The following TEAD1 variants were observed in gnomAD, a reference collection of about 807,000 sequenced individuals.
TEAD1 encodes TEA domain transcription factor 1.
TEAD1 carries 9 observed loss-of-function variants against 54.9 expected under a neutral mutation model. The observed-to-expected ratio is 0.16, with a 90% CI of 0.10 to 0.29. TEAD1 has a LOEUF of 0.29. Ranked by LOEUF, TEAD1 falls within the 10% of genes least tolerant of loss-of-function variation. The pLI is 1.00. For missense variants in TEAD1, 387 were observed against 535.9 expected (o/e 0.72, Z 2.74); for synonymous variants, 200 against 187.8 (o/e 1.07, Z -0.53).
At chr11:12,700,915 C>T (rs1943686767) in intron 2 of TEAD1, among the ~76,000 whole-genome samples, 1 of 152,126 alleles carries the variant, frequency 6.6e-6, no homozygotes, top group Non-Finnish European at 1.5e-5. Flanking sequence ...TTTTGTGGTC[C>T]TCCCCTTAGC....
At chr11:12,689,019 T>G (rs1379458505) in intron 2 of TEAD1, among the ~76,000 whole-genome samples, 3 of 152,138 alleles carry the variant, frequency 2.0e-5, no homozygotes, top group African/African-American at 7.2e-5. Context: ...TTCTGTTTTT[T>G]TTTTTGTTGT....
At chr11:12,764,514 A>C (rs911307211) in intron 3 of TEAD1, 80 bp downstream of exon 3, 1 of 1,520,082 alleles carries the variant, frequency 6.6e-7, no homozygotes. Flanking sequence ...GTCTTCCAGC[A>C]AGAGCTGTTC....
intron 2 of TEAD1, among the ~76,000 whole-genome samples, chr11:12,683,758 T>C (rs1226255129): frequency 6.6e-6 from 1 of 152,094 alleles, no homozygotes; most frequent in Admixed American, 6.6e-5. Context: ...GAGGAATTAA[T>C]TGAAAGGAGT....
intron 3 of TEAD1, among the ~76,000 whole-genome samples, chr11:12,831,440 T>C (rs972456745): frequency 7.9e-5 from 12 of 152,214 alleles, no homozygotes; most frequent in Non-Finnish European, 7.3e-5. Flanking sequence ...CTCTGCCTTA[T>C]TGTCTTTGTG....
intron 2 of TEAD1, among the ~76,000 whole-genome samples, chr11:12,749,302 A>G (rs1198024798): frequency 1.3e-5 from 2 of 152,170 alleles, no homozygotes; most frequent in Non-Finnish European, 2.9e-5. Flanking sequence ...AATGGATTAC[A>G]TTTTAATTAA....
intron 2 of TEAD1, among the ~76,000 whole-genome samples, chr11:12,686,431 T>A (rs1346675502): frequency 6.6e-6 from 1 of 152,220 alleles, no homozygotes. Context: ...AACCTTGTTC[T>A]TTTCTGTGGA....
chr11:12,922,905 CAG>C (rs1368654652), intron 10 of TEAD1: 1 of 120,306 alleles, frequency 8.3e-6, no homozygotes, highest in Non-Finnish European at 1.6e-5. Context: ...GCCTAGACGA[CAG>C]GGCCAGACCC....
In TEAD1 at chr11:12,879,915, C is replaced by T. The variant is rs1947931164; in HGVS notation, c.465+73C>T. 6 of 1,603,192 alleles carry T rather than the reference C, an allele frequency of 3.7e-6. No individual in the cohort carries two copies. In the Admixed American group the frequency reaches 8.3e-5, roughly 22 times the overall value. ...TGGCATGTGCCAGTGTTAAGCCTCC[C>T]ACCTCCATTTCTTGTCATGTGGGTC... On this transcript the variant is annotated intron_variant, in intron 6 of 12. Coordinates refer to ENST00000527636, the MANE Select transcript of TEAD1 (RefSeq NM_021961.6).
At chr11:12,727,890 A>G (rs1389819539) in intron 2 of TEAD1, among the ~76,000 whole-genome samples, 2 of 151,728 alleles carry the variant, frequency 1.3e-5, no homozygotes, top group African/African-American at 4.8e-5. Context: ...AGGAATATCC[A>G]TATCTTTTTT....
At chr11:12,878,975 G>A (rs2134093408) in intron 5 of TEAD1, 1 of 1,165,810 alleles carries the variant, frequency 8.6e-7, no homozygotes, top group South Asian at 1.4e-5. Flanking sequence ...GCTTTGTGTT[G>A]TTAGCCTTGG....
At chr11:12,741,415 T>A (rs186585073) in intron 2 of TEAD1, among the ~76,000 whole-genome samples, 282 of 152,356 alleles carry the variant, frequency 1.9e-3, no homozygotes, top group African/African-American at 6.4e-3. Context: ...TAAAGGTAGC[T>A]AATTGGATCT....
rs191642737 is a variant in TEAD1, at chr11:12,918,737, C to T, written c.874-6175C>T. The stretch of plus-strand genomic sequence containing the variant: ...CTTCTTAATAGGTCCATTTGGAAGC[C>T]TCGCAAATGTCCCTAAGTAATAGGG... On this transcript the variant is annotated intron_variant, in intron 10 of 12. Coordinates refer to ENST00000527636, the MANE Select transcript of TEAD1 (RefSeq NM_021961.6). 1.7e-3 allele frequency among the ~76,000 whole-genome samples: 255 copies of T among 152,268 alleles called. 2 individuals are homozygous for T. Among genetic ancestry groups the T allele is most frequent in the South Asian group, 0.011 (53 of 4,826 alleles).
intron 2 of TEAD1, among the ~76,000 whole-genome samples, chr11:12,710,479 C>T (rs1429608197): frequency 1.3e-5 from 2 of 152,088 alleles, no homozygotes; most frequent in Non-Finnish European, 2.9e-5. Flanking sequence ...TATAGTTATA[C>T]CAGTAAATGA....
chr11:12,866,969 G>A (rs1263930790), intron 5 of TEAD1, among the ~76,000 whole-genome samples: 2 of 152,146 alleles, frequency 1.3e-5, no homozygotes, highest in Non-Finnish European at 2.9e-5. Flanking sequence ...GATGAGCTTC[G>A]TGGAGAGTAT....
Position 12,744,043 on chromosome 11 carries a change from G to A in TEAD1, c.-54-20136G>A, listed in dbSNP as rs1477053841. Among the ~76,000 whole-genome samples the A allele has an allele frequency of 2.0e-5, 3 of 152,220 alleles. No homozygotes were observed. The East Asian group carries it at 5.8e-4, about 29-fold the overall frequency. On this transcript the variant is annotated intron_variant, in intron 2 of 12. Transcript: ENST00000527636. ...TGTCTGAAACTGGCAGGTGTTCAGAGGTGTTGATAGATTCTTCACTTGTCA... is the reference window on the plus strand; with the variant it reads ...TGTCTGAAACTGGCAGGTGTTCAGAAGTGTTGATAGATTCTTCACTTGTCA...
chr11:12,831,309 G>C (rs945812374), intron 3 of TEAD1, among the ~76,000 whole-genome samples: 2 of 151,968 alleles, frequency 1.3e-5, no homozygotes, highest in Admixed American at 1.3e-4. Flanking sequence ...TGCCCCCTCT[G>C]CCAGCTGAGG....
At chr11:12,768,305 A>G (rs1332946777) in intron 3 of TEAD1, among the ~76,000 whole-genome samples, 6 of 152,228 alleles carry the variant, frequency 3.9e-5, no homozygotes, top group Admixed American at 3.9e-4. Context: ...TATTAGAAGA[A>G]TTAAATGAAC....
At chr11:12,934,087 C>T (rs536029643) in intron 12 of TEAD1, among the ~76,000 whole-genome samples, 6 of 152,266 alleles carry the variant, frequency 3.9e-5, no homozygotes, top group South Asian at 2.1e-4. Context: ...CACATGCACA[C>T]GTATGTTTAT....
chr11:12,827,464 G>A (rs1226496854), intron 3 of TEAD1, among the ~76,000 whole-genome samples: 1 of 152,140 alleles, frequency 6.6e-6, no homozygotes, highest in Non-Finnish European at 1.5e-5. Flanking sequence ...TGGGTGTGTT[G>A]GTGTGGATGA....
Sources: gnomAD v4.1 joint callset for allele counts (sites outside exome capture counted in the v4.1 genomes callset) on GRCh38, gnomAD v4.1.1 for gene constraint, MANE v1.5 for transcripts, NCBI Gene and HGNC (gene_info 2026-07-23, HGNC 2026-07-21) for gene names.